The following PVT1 variants were observed in gnomAD, a reference collection of about 807,000 sequenced individuals.
PVT1 encodes the protein CXCR4/PVT1 fusion.
chr8:127,998,692 C>G (rs959713743), intron 4 of PVT1, among the ~76,000 whole-genome samples: 2 of 136,316 alleles, frequency 1.5e-5, no homozygotes, highest in Admixed American at 7.8e-5. Context: ...TTCCTCTTTT[C>G]TTTCTTCTTT....
intron 5 of PVT1, among the ~76,000 whole-genome samples, chr8:128,093,536 G>T (rs1040461848): frequency 6.6e-6 from 1 of 152,060 alleles, no homozygotes; most frequent in African/African-American, 2.4e-5. Context: ...CAGCCTGGGG[G>T]ACAAGAGCAA....
intron 3 of PVT1, among the ~76,000 whole-genome samples, chr8:127,987,674 A>G (rs1012223083): frequency 3.3e-5 from 5 of 152,236 alleles, no homozygotes; most frequent in Non-Finnish European, 7.3e-5. Context: ...GTACTTGTTC[A>G]GGGTCCTAAA....
At chr8:128,021,231 C>T (rs2130053877) in intron 4 of PVT1, among the ~76,000 whole-genome samples, 1 of 149,946 alleles carries the variant, frequency 6.7e-6, no homozygotes, top group East Asian at 2.0e-4. Flanking sequence ...GCCTAGGATT[C>T]ACAATCTCTA....
intron 3 of PVT1, chr8:127,947,267 T>C (rs1325167166): frequency 1.0e-5 from 2 of 191,016 alleles, no homozygotes; most frequent in African/African-American, 2.3e-5. Flanking sequence ...TGACCTTTAA[T>C]GTCTGCACTC....
chr8:128,064,869 A>G (rs544615327), intron 4 of PVT1, among the ~76,000 whole-genome samples: 2 of 152,358 alleles, frequency 1.3e-5, no homozygotes, highest in East Asian at 3.9e-4. Context: ...TATGAGTGCA[A>G]TTAATGCATT....
chr8:128,027,576 G>A (rs572828300), intron 4 of PVT1, among the ~76,000 whole-genome samples: 1 of 152,188 alleles, frequency 6.6e-6, no homozygotes, highest in African/African-American at 2.4e-5. Context: ...AATCACCAGG[G>A]AGCCCAGGCA....
chr8:127,935,776 C>T (rs1417093149), intron 3 of PVT1, among the ~76,000 whole-genome samples: 2 of 152,170 alleles, frequency 1.3e-5, no homozygotes, highest in Non-Finnish European at 2.9e-5. Context: ...TCAGTTTCTC[C>T]TCCGTATGGA....
intron 5 of PVT1, among the ~76,000 whole-genome samples, chr8:128,094,328 A>T (rs563983346): frequency 6.6e-6 from 1 of 152,390 alleles, no homozygotes; most frequent in African/African-American, 2.4e-5. Flanking sequence ...TAGATGTTTA[A>T]ATAAAAAAAT....
At chr8:127,795,180 A>G (rs959768330) in intron 1 of PVT1, among the ~76,000 whole-genome samples, 1 of 152,180 alleles carries the variant, frequency 6.6e-6, no homozygotes, top group African/African-American at 2.4e-5. Flanking sequence ...CCAAAAACTC[A>G]GTAACTCCGT....
intron 4 of PVT1, among the ~76,000 whole-genome samples, chr8:128,069,420 C>T (rs541486798): frequency 6.6e-6 from 1 of 152,188 alleles, no homozygotes; most frequent in Non-Finnish European, 1.5e-5. Flanking sequence ...GCCTGACCCT[C>T]GCTGCTGTAT....
At chr8:128,009,388 A>G (rs1157439176) in intron 4 of PVT1, among the ~76,000 whole-genome samples, 1 of 152,220 alleles carries the variant, frequency 6.6e-6, no homozygotes, top group Non-Finnish European at 1.5e-5. Context: ...TCTTTATATA[A>G]GAAATGTGTT....
Position 128,061,764 on chromosome 8 carries a change from T to C in PVT1, n.913-8396T>C, listed in dbSNP as rs1488118220. Among the ~76,000 whole-genome samples, 4 of 152,216 alleles carry C rather than the reference T, an allele frequency of 2.6e-5. No homozygotes were observed. The East Asian group carries it at 7.7e-4, about 29-fold the overall frequency. ...GAAACTATGAAGGGCCCAGGAACAC[T>C]TTCTGGGAAAGGGAAATGTTCTGTG... On this transcript the variant is annotated intron_variant and non_coding_transcript_variant, in intron 4 of 10. Transcript: ENST00000651587.
At chr8:128,068,574 G>A (rs1813941508) in intron 4 of PVT1, among the ~76,000 whole-genome samples, 1 of 152,200 alleles carries the variant, frequency 6.6e-6, no homozygotes, top group Non-Finnish European at 1.5e-5. Flanking sequence ...TCGGCTCACT[G>A]CAATCTCCGA....
intron 4 of PVT1, chr8:128,008,901 T>A (rs374446759): frequency 3.8e-6 from 2 of 522,842 alleles, no homozygotes; most frequent in Non-Finnish European, 4.0e-6. Flanking sequence ...TTCATATCAG[T>A]GTTCATGTAG....
chr8:127,806,947 T>G (rs542776423), intron 2 of PVT1, among the ~76,000 whole-genome samples: 1 of 152,362 alleles, frequency 6.6e-6, no homozygotes, highest in Admixed American at 6.5e-5. Flanking sequence ...GTTCTCCATT[T>G]GAAGAGCATC....
chr8:127,906,045 G>A (rs1347730483), intron 3 of PVT1, among the ~76,000 whole-genome samples: 1 of 152,190 alleles, frequency 6.6e-6, no homozygotes. Flanking sequence ...CATGAAGCCT[G>A]GTTATCCTTA....
intron 4 of PVT1, among the ~76,000 whole-genome samples, chr8:128,063,114 C>T (rs891143634): frequency 3.3e-5 from 5 of 152,186 alleles, no homozygotes; most frequent in Admixed American, 6.5e-5. Flanking sequence ...TTCCAACCTA[C>T]CCCTTTATCC....
At chr8:128,039,198 G>A (rs1318977421) in intron 4 of PVT1, among the ~76,000 whole-genome samples, 1 of 152,194 alleles carries the variant, frequency 6.6e-6, no homozygotes, top group Non-Finnish European at 1.5e-5. Flanking sequence ...TGGCAGGGGA[G>A]TTCATGAAGG....
chr8:127,816,558 C>G (rs1268367126), intron 2 of PVT1, among the ~76,000 whole-genome samples: 1 of 150,792 alleles, frequency 6.6e-6, no homozygotes, highest in Non-Finnish European at 1.5e-5. Flanking sequence ...GCTCTTGTCA[C>G]CCAGGATGGG....
Sources: allele counts gnomAD v4.1 joint callset (sites outside exome capture counted in the v4.1 genomes callset), GRCh38; gene constraint gnomAD v4.1.1; transcripts MANE v1.5; gene names NCBI Gene and HGNC (gene_info 2026-07-23, HGNC 2026-07-21).